FSTL5: variants seen among roughly 807,000 people sequenced by gnomAD.
The protein encoded by FSTL5 is follistatin-related protein 5.
Under a neutral mutation model 89.1 loss-of-function variants are expected in FSTL5, and 62 were observed. The observed-to-expected ratio is 0.70, with a 90% confidence interval of 0.57 to 0.86. The LOEUF (loss-of-function observed/expected upper bound fraction) is 0.86, where lower values mean the gene tolerates loss of function less well. Among genes scored for constraint, FSTL5 ranks in the 40% least tolerant of loss-of-function variants. The pLI, the probability that FSTL5 is intolerant of heterozygous loss-of-function variation, is 0.00. For missense variants in FSTL5, 1,057 were observed against 1,001.6 expected (o/e 1.06, Z -0.75); for synonymous variants, 383 against 346.2 (o/e 1.11, Z -1.18).
At chr4:161,486,869 C>T (rs950653202) in intron 12 of FSTL5, among the ~76,000 whole-genome samples, 2 of 152,006 alleles carry the variant, frequency 1.3e-5, no homozygotes, top group African/African-American at 4.8e-5. Context: ...CTTTTATATC[C>T]ATTGTTTATC....
At chr4:161,548,632 A>G (rs182203351) in intron 8 of FSTL5, among the ~76,000 whole-genome samples, 2 of 151,920 alleles carry the variant, frequency 1.3e-5, no homozygotes, top group Admixed American at 1.3e-4. Flanking sequence ...TGGACAGTCA[A>G]TTAGCCAGTT....
chr4:161,615,592 A>G lies in FSTL5; in HGVS notation c.895-28017T>C, dbSNP rs17041252. Among the ~76,000 whole-genome samples the G allele has an allele frequency of 6.3e-3, 957 of 152,182 alleles. 17 individuals are homozygous for G. Among genetic ancestry groups the G allele is most frequent in the South Asian group, 0.046 (220 of 4,822 alleles). On this transcript the variant is annotated intron_variant, in intron 7 of 15. Transcript: ENST00000306100. ...ACACAAACTGCATTTATCAAATGGTATAACTATATCTAGGGTGAAAAAATT... is the reference window on the plus strand; with the variant it reads ...ACACAAACTGCATTTATCAAATGGTGTAACTATATCTAGGGTGAAAAAATT...
chr4:161,960,333 A>AT (rs933655374), intron 3 of FSTL5, among the ~76,000 whole-genome samples: 4 of 149,258 alleles, frequency 2.7e-5, no homozygotes, highest in Admixed American at 6.7e-5. Flanking sequence ...TGCCCAGCTA[A>AT]TTTTTTTTTT....
chr4:161,580,855 TAAG>T (rs1733409436), intron 8 of FSTL5, among the ~76,000 whole-genome samples: 1 of 152,100 alleles, frequency 6.6e-6, no homozygotes, highest in Admixed American at 6.6e-5. Context: ...AGTAAAATCT[TAAG>T]GAACAGTGGC....
intron 4 of FSTL5, among the ~76,000 whole-genome samples, chr4:161,913,519 G>T (rs1733756518): frequency 6.6e-6 from 1 of 152,170 alleles, no homozygotes; most frequent in Admixed American, 6.5e-5. Context: ...ATTGATGTTT[G>T]GGAACCTCCA....
At chr4:161,675,706 A>G (rs116070219) in intron 6 of FSTL5, among the ~76,000 whole-genome samples, 1 of 151,916 alleles carries the variant, frequency 6.6e-6, no homozygotes, top group Non-Finnish European at 1.5e-5. Flanking sequence ...ATTACTAAGA[A>G]GTACTTCTGT....
intron 6 of FSTL5, among the ~76,000 whole-genome samples, chr4:161,688,253 A>T (rs1366238540): frequency 2.0e-5 from 3 of 151,944 alleles, no homozygotes; most frequent in African/African-American, 7.3e-5. Flanking sequence ...CAGCTAATAT[A>T]TTTAATTTTT....
intron 15 of FSTL5, among the ~76,000 whole-genome samples, chr4:161,414,980 A>G (rs1030541463): frequency 6.6e-6 from 1 of 152,098 alleles, no homozygotes; most frequent in African/African-American, 2.4e-5. Flanking sequence ...CCTTTCTACT[A>G]ATGCATAACC....
At chr4:161,506,967 C>T (rs1033108768) in intron 11 of FSTL5, among the ~76,000 whole-genome samples, 3 of 151,950 alleles carry the variant, frequency 2.0e-5, no homozygotes, top group Admixed American at 1.3e-4. Context: ...TTCCTGAATA[C>T]GAAACTTTTT....
At chr4:161,505,713 T>C (rs992010437) in intron 11 of FSTL5, among the ~76,000 whole-genome samples, 26 of 151,014 alleles carry the variant, frequency 1.7e-4, no homozygotes, top group African/African-American at 6.2e-4. Context: ...CACATGCATA[T>C]ATATAATTTA....
At chr4:161,611,198 G>GTA (rs200031552) in intron 7 of FSTL5, among the ~76,000 whole-genome samples, 6,900 of 138,896 alleles carry the variant, frequency 0.05, 557 homozygotes, top group African/African-American at 0.17. Flanking sequence ...GTGTATATGT[G>GTA]TATATATATG....
chr4:161,683,099 T>C (rs1250853597), intron 6 of FSTL5, among the ~76,000 whole-genome samples: 1 of 152,190 alleles, frequency 6.6e-6, no homozygotes, highest in African/African-American at 2.4e-5. Context: ...AAATGAAAAG[T>C]ATAGTAAATA....
At chr4:162,108,493 G>A (rs900875602) in intron 2 of FSTL5, among the ~76,000 whole-genome samples, 3 of 151,768 alleles carry the variant, frequency 2.0e-5, no homozygotes, top group African/African-American at 7.3e-5. Context: ...CAGACCTGAA[G>A]ATCTATTTTG....
chr4:161,800,181 T>C (rs1729750641), intron 4 of FSTL5, among the ~76,000 whole-genome samples: 1 of 151,692 alleles, frequency 6.6e-6, no homozygotes, highest in Admixed American at 6.6e-5. Context: ...AAACAGGTGA[T>C]CTCTTATTTT....
chr4:161,869,842 A>G (rs531904253), intron 4 of FSTL5, among the ~76,000 whole-genome samples: 1 of 152,340 alleles, frequency 6.6e-6, no homozygotes, highest in South Asian at 2.1e-4. Flanking sequence ...TGTGTCTTAC[A>G]TTGATATAAT....
At chr4:161,706,279 T>C (rs1275720291) in intron 6 of FSTL5, among the ~76,000 whole-genome samples, 1 of 151,720 alleles carries the variant, frequency 6.6e-6, no homozygotes, top group Non-Finnish European at 1.5e-5. Context: ...ATGCTTTAAA[T>C]AGGAAAGCAG....
intron 15 of FSTL5, among the ~76,000 whole-genome samples, chr4:161,442,735 G>A (rs1036104136): frequency 6.6e-6 from 1 of 152,040 alleles, no homozygotes. Flanking sequence ...GGAAAATAGC[G>A]TTTGTTAATC....
At position 161,602,173 on chromosome 4, in the gene FSTL5, GA is replaced by G. The variant is rs932440343; in HGVS notation, c.895-14599del. 1.5e-3 allele frequency among the ~76,000 whole-genome samples: 209 copies of G among 136,240 alleles called. 1 individual carries two copies. Among genetic ancestry groups the G allele is most frequent in the African/African-American group, 5.2e-3 (191 of 36,886 alleles). 89.4% of individuals were successfully genotyped at this position (136,240 alleles called of 152,430 possible). On this transcript the variant is annotated intron_variant, in intron 7 of 15. Transcript: ENST00000306100. ...GCTATAAATAAATAAGACACACACAGAAAAAAAAAGAAAACAAAAAGCGTGT... is the reference window on the plus strand; with the variant it reads ...GCTATAAATAAATAAGACACACACAGAAAAAAAAGAAAACAAAAAGCGTGT...
At chr4:161,915,364 A>C (rs1488447532) in intron 4 of FSTL5, among the ~76,000 whole-genome samples, 4 of 131,980 alleles carry the variant, frequency 3.0e-5, no homozygotes, top group African/African-American at 5.9e-5. Flanking sequence ...CCACCTTCCC[A>C]CTCTCTGGTA....
Sources: allele counts gnomAD v4.1 joint callset (sites outside exome capture counted in the v4.1 genomes callset), GRCh38; gene constraint gnomAD v4.1.1; transcripts MANE v1.5; gene names NCBI Gene and HGNC (gene_info 2026-07-23, HGNC 2026-07-21).